Variants in IGF2 observed in about 807,000 individuals in gnomAD.
IGF2 encodes the protein insulin-like growth factor 2.
IGF2 carries 2 observed loss-of-function variants against 12.0 expected under a neutral mutation model. The ratio of observed to expected loss-of-function variants is 0.17; its 90% confidence interval spans 0.07 to 0.52. The LOEUF is 0.52. IGF2 is among the 20% of genes least tolerant of loss of function. The pLI, the probability that IGF2 is intolerant of heterozygous loss-of-function variation, is 0.95. For missense variants in IGF2, 211 were observed against 268.0 expected, an observed-to-expected ratio of 0.79 and a Z score of 1.48; for synonymous variants, 105 against 110.1, an observed-to-expected ratio of 0.95 and a Z score of 0.29.
In IGF2 at chr11:2,132,583, GT is replaced by G. The variant is rs1225364381; in HGVS notation, c.*403del. The G allele has an allele frequency of 4.4e-5, 7 of 158,630 alleles. 1 individual carries two copies. The South Asian group carries it at 9.8e-4, about 22-fold the overall frequency. 9.8% of individuals were successfully genotyped at this position (158,630 alleles called of 1,614,324 possible). On this transcript the variant is annotated 3_prime_UTR_variant, in exon 4 of 4. Transcript: ENST00000416167. ...AGCCAATTGATTTTTTTTGGTGGTT[GT>G]TTTTTTTAAAGCCAATTTCTGAGCT...
upstream of IGF2, among the ~76,000 whole-genome samples, chr11:2,142,870 T>G (rs1859684373): frequency 6.6e-6 from 1 of 152,044 alleles, no homozygotes; most frequent in Non-Finnish European, 1.5e-5. This position sits in a 1 kb window ranked among gnomAD's most constrained non-coding sequence, Gnocchi z 5.7. Context: ...CCCTGTGTGA[T>G]TTGGGGGGAC....
At chr11:2,148,002 A>G in the IGF2 span, 1 of 403,446 alleles carries the variant, frequency 2.5e-6, no homozygotes, top group Non-Finnish European at 4.3e-6. The surrounding 1 kb of genome is among the most constrained non-coding windows in gnomAD (Gnocchi z 4.3). Context: ...AGTATAAGGG[A>G]GGGAAGAAGT....
At chr11:2,134,527 C>A (rs1858853774) in intron 2 of IGF2, among the ~76,000 whole-genome samples, 1 of 152,234 alleles carries the variant, frequency 6.6e-6, no homozygotes, top group African/African-American at 2.4e-5. Flanking sequence ...CAGAGAGAAG[C>A]TTTGAAGTGC....
chr11:2,141,961 G>A (rs1411606948), upstream of IGF2, among the ~76,000 whole-genome samples: 2 of 152,188 alleles, frequency 1.3e-5, no homozygotes, highest in African/African-American at 2.4e-5. Flanking sequence ...ATTTGGGGGA[G>A]CCCCAGTGAA....
In IGF2 at chr11:2,130,360, G is replaced by C; in HGVS notation, c.*2627C>G. On this transcript the variant is annotated 3_prime_UTR_variant, in exon 4 of 4. Coordinates refer to ENST00000416167, the MANE Select transcript of IGF2 (RefSeq NM_000612.6). The stretch of plus-strand genomic sequence containing the variant: ...ACTCCCCTCTGACTTCTCCAAGGGG[G>C]CTCAGTGGCCAGTGCCCCCCAGGAG... The C allele has an allele frequency of 4.4e-6, 1 of 229,148 alleles. No homozygotes were observed. Among genetic ancestry groups the C allele is most frequent in the Non-Finnish European group, 8.7e-6 (1 of 115,518 alleles). The allele number at this position is 229,148 out of a possible 1,614,324, so 14.2% of individuals were successfully genotyped here. A position where few individuals can be genotyped will look rare whatever the true frequency, so the allele number is the denominator to read the frequency against.
Position 2,133,141 on chromosome 11 carries a change from A to G in IGF2, c.389T>C (p.Leu130Pro). Residue 130 changes from leucine to proline, a missense_variant, in exon 4 of 4, where the codon CTG (leucine) becomes CCG (proline). Around this residue, in one of 3 missense-constraint regions of IGF2, gnomAD observed 141 missense variants for 153.1 expected, o/e 0.92. Coordinates refer to ENST00000416167, the MANE Select transcript of IGF2 (RefSeq NM_000612.6). This position sits in a 1 kb window ranked among gnomAD's most constrained non-coding sequence, Gnocchi z 8.9. ...CCGGCGGGCACGCAGGAGGGCAGGC[A>G]GGCCCCTGCGCAGGCGCTGGGTGGA... ...KQSTQRLRRG[L>P]PALLRARRGH... 6.2e-7 allele frequency: 1 copy of G among 1,604,200 alleles called. No homozygotes were observed. The highest frequency in any genetic ancestry group is 2.2e-5 in the East Asian group (1 of 44,482).
intron 1 of IGF2, among the ~76,000 whole-genome samples, chr11:2,136,754 C>G (rs1342080891): frequency 2.0e-5 from 3 of 152,258 alleles, no homozygotes; most frequent in Non-Finnish European, 4.4e-5. Flanking sequence ...GGACCCTGGC[C>G]AGTCCTCTCA....
At chr11:2,144,250 C>T (rs1411880681), upstream of IGF2, among the ~76,000 whole-genome samples, 2 of 152,172 alleles carry the variant, frequency 1.3e-5, no homozygotes, top group Non-Finnish European at 2.9e-5. Context: ...CTGCTCGGTC[C>T]CCGCGTGGGA....
intron 2 of IGF2, chr11:2,134,198 G>A (rs1215890608): frequency 8.4e-6 from 4 of 476,616 alleles, no homozygotes; most frequent in African/African-American, 2.0e-5. Context: ...CTTTCCTCCC[G>A]TCTTCCCCCT....
In IGF2 at chr11:2,138,522, G is replaced by C. The variant is rs1176846309; in HGVS notation, c.-300C>G. 6.4e-6 allele frequency: 5 copies of C among 787,132 alleles called. No homozygotes were observed. Among genetic ancestry groups the C allele is most frequent in the Non-Finnish European group, 6.0e-6 (4 of 661,914 alleles). 48.8% of individuals were successfully genotyped at this position (787,132 alleles called of 1,614,324 possible). On this transcript the variant is annotated 5_prime_UTR_variant, in exon 1 of 4. Transcript: ENST00000416167. ...GGTCAGCTGTTGTATCAAGGATAGA[G>C]GGGGGCAGAGATAGTGGGAGAGACA...
chr11:2,140,653 C>G, upstream of IGF2: 3 of 489,582 alleles, frequency 6.1e-6, no homozygotes, highest in Non-Finnish European at 1.2e-5. Flanking sequence ...AATGAGCAAA[C>G]GAAAGTGGCG....
the IGF2 span, chr11:2,149,007 T>C: frequency 1.1e-6 from 1 of 945,602 alleles, no homozygotes; most frequent in African/African-American, 1.6e-5. Flanking sequence ...GCAGCAGAAG[T>C]TCTTCCCCTC....
upstream of IGF2, chr11:2,140,024 G>T: frequency 1.9e-6 from 2 of 1,073,090 alleles, no homozygotes; most frequent in Non-Finnish European, 2.6e-6. Context: ...GGTGCGGGAC[G>T]CGCGGAAGGC....
At chr11:2,140,201 G>C, upstream of IGF2, 2 of 1,613,424 alleles carry the variant, frequency 1.2e-6, no homozygotes, top group Non-Finnish European at 1.7e-6. Context: ...AAAATATCTG[G>C]ATAATGGTTA....
rs146962483 is a variant in IGF2, at chr11:2,133,069, C to T, written c.461G>A (p.Arg154His). ...GGGTAGAGCAATCAGGGGACGGTGA[C>T]GTTTGGCCTCCCTGAACGCCTCGAG... ...KELEAFREAK[R>H]HRPLIALPTQ... The change falls in exon 4 of 4, where the codon CGT (arginine) becomes CAT (histidine). Residue 154 changes from arginine to histidine, a missense_variant. Physicochemically the swap from Arg to His is conservative, Grantham distance 29 (BLOSUM62 0). Transcript: ENST00000416167. This position sits in a 1 kb window ranked among gnomAD's most constrained non-coding sequence, Gnocchi z 8.9. The T allele has an allele frequency of 6.2e-6, 10 of 1,606,384 alleles. No homozygotes were observed. The highest frequency in any genetic ancestry group is 1.7e-4 in the Middle Eastern group (1 of 6,056).
At chr11:2,142,458 C>T (rs4930040), upstream of IGF2, among the ~76,000 whole-genome samples, 151,080 of 152,252 alleles carry the variant, frequency 0.99, 74,977 homozygotes, top group Middle Eastern at 1. This position sits in a 1 kb window ranked among gnomAD's most constrained non-coding sequence, Gnocchi z 5.7. Context: ...GTGCAGTGTG[C>T]TTGAAGGAAA....
the IGF2 span, chr11:2,149,398 G>A: frequency 6.8e-7 from 1 of 1,480,814 alleles, no homozygotes; most frequent in Non-Finnish European, 9.3e-7. Flanking sequence ...GGCCCCTACA[G>A]ATGGGAGAGC....
Position 2,133,333 on chromosome 11 carries a change from AAT to A in IGF2, c.307-112_307-111del, listed in dbSNP as rs1365136030. 2.0e-6 allele frequency: 2 copies of A among 1,009,792 alleles called. No homozygotes were observed. Among genetic ancestry groups the A allele is most frequent in the Admixed American group, 5.8e-5 (2 of 34,466 alleles). The allele number at this position is 1,009,792 out of a possible 1,614,324, so 62.6% of individuals were successfully genotyped here. Reference sequence around the variant, plus strand: ...CTGTGACTGATCAGTGACTTGAGCTAATGTCCACGGGCAGAGGGACAGAAGGA... The same window carrying A: ...CTGTGACTGATCAGTGACTTGAGCTAGTCCACGGGCAGAGGGACAGAAGGA... On this transcript the variant is annotated intron_variant, in intron 3 of 3. Transcript: ENST00000416167. This position sits in a 1 kb window ranked among gnomAD's most constrained non-coding sequence, Gnocchi z 8.9.
Position 2,132,895 on chromosome 11 carries a change from AGATTTTCGGGATGGAACCT to A in IGF2, c.*73_*91del. The A allele has an allele frequency of 1.1e-6, 1 of 895,718 alleles. No homozygotes were observed. The highest frequency in any genetic ancestry group is 1.7e-6 in the Non-Finnish European group (1 of 586,594). 55.5% of individuals were successfully genotyped at this position (895,718 alleles called of 1,614,324 possible). On this transcript the variant is annotated 3_prime_UTR_variant, in exon 4 of 4. Coordinates refer to ENST00000416167, the MANE Select transcript of IGF2 (RefSeq NM_000612.6). ...AGCCCCAGGGGGACGTGGAACCGAG[AGATTTTCGGGATGGAACCT>A]GATGGAAACGTCCGTGGTCAGGAGG...
Sources: gnomAD v4.1 joint callset for allele counts (sites outside exome capture counted in the v4.1 genomes callset) on GRCh38, gnomAD v4.1.1 for gene constraint, gnomAD v4.1.1 regional missense constraint, Gnocchi (gnomAD v3.1) non-coding constraint, MANE v1.5 for transcripts, NCBI Gene and HGNC (gene_info 2026-07-23, HGNC 2026-07-21) for gene names.